The following RALGPS1 variants were observed in gnomAD, a reference collection of about 807,000 sequenced individuals.
RALGPS1 encodes Ral GEF with PH domain and SH3 binding motif 1.
A neutral mutation model predicts 78.8 loss-of-function variants in RALGPS1; 19 were observed. The ratio of observed to expected loss-of-function variants is 0.24; its 90% CI spans 0.17 to 0.35. RALGPS1 has a LOEUF of 0.35. RALGPS1 is among the 10% of genes least tolerant of loss of function. RALGPS1 has a pLI of 1.00. For synonymous variants in RALGPS1, 228 were observed against 256.3 expected, an observed-to-expected ratio of 0.89 and a Z score of 1.06; for missense variants, 454 against 688.3, an observed-to-expected ratio of 0.66 and a Z score of 3.81.
intron 5 of RALGPS1, among the ~76,000 whole-genome samples, chr9:127,041,328 G>A (rs2047304942): frequency 6.6e-6 from 1 of 152,106 alleles, no homozygotes; most frequent in Admixed American, 6.5e-5. Context: ...CTGACCTCGT[G>A]ATCTGCCTAC....
At chr9:127,085,696 A>T (rs979353250) in intron 8 of RALGPS1, among the ~76,000 whole-genome samples, 2 of 152,138 alleles carry the variant, frequency 1.3e-5, no homozygotes, top group Non-Finnish European at 2.9e-5. Context: ...AGTTTAGAAA[A>T]AGGATGGCTC....
At chr9:126,942,952 T>C (rs1305253170) in intron 1 of RALGPS1, among the ~76,000 whole-genome samples, 2 of 152,210 alleles carry the variant, frequency 1.3e-5, no homozygotes, top group African/African-American at 4.8e-5. Context: ...TAGTGGGCTC[T>C]TGGGCCATTA....
rs977885528 is a variant in RALGPS1, at chr9:127,135,653, T to C, written c.611-30416T>C. Among the ~76,000 whole-genome samples the C allele has an allele frequency of 3.9e-5, 6 of 152,298 alleles. 1 individual carries two copies. Among genetic ancestry groups the C allele is most frequent in the Middle Eastern group, 3.4e-3 (1 of 294 alleles). ...CCCCACCACTGATGGACAACCCCTG[T>C]GGGAGCAGATCTTGCTTGAGAGGGT... is the stretch of plus-strand genomic sequence containing the variant. On this transcript the variant is annotated intron_variant, in intron 8 of 18. Coordinates refer to ENST00000259351, the MANE Select transcript of RALGPS1 (RefSeq NM_014636.3).
chr9:127,053,699 C>T (rs766484777), intron 7 of RALGPS1, among the ~76,000 whole-genome samples: 7 of 152,180 alleles, frequency 4.6e-5, no homozygotes, highest in East Asian at 1.9e-4. Context: ...AACTCATTTC[C>T]GAACTGCTTT....
At chr9:126,944,022 G>A (rs1381461235) in intron 1 of RALGPS1, among the ~76,000 whole-genome samples, 3 of 152,258 alleles carry the variant, frequency 2.0e-5, no homozygotes, top group African/African-American at 7.2e-5. Flanking sequence ...AGGACCCTCT[G>A]GTCAAAGCTG....
intron 14 of RALGPS1, among the ~76,000 whole-genome samples, chr9:127,201,933 G>A (rs958362040): frequency 4.0e-4 from 61 of 152,242 alleles, no homozygotes; most frequent in African/African-American, 1.4e-3. Flanking sequence ...CAGAGGCCGT[G>A]GAGCCAGAGC....
chr9:126,962,843 T>TGCAGGAGG (rs1452725323), intron 2 of RALGPS1, among the ~76,000 whole-genome samples: 2 of 152,180 alleles, frequency 1.3e-5, no homozygotes, highest in Non-Finnish European at 2.9e-5. Flanking sequence ...CACAGAAGCA[T>TGCAGGAGG]GCAGGAGGAG....
At chr9:127,196,675 G>C (rs776609685) in intron 13 of RALGPS1, 44 bp downstream of exon 13, 7 of 1,529,052 alleles carry the variant, frequency 4.6e-6, no homozygotes, top group Non-Finnish European at 6.2e-6. Context: ...TGGGCTGTAG[G>C]CCCAGCGTGT....
At chr9:127,155,104 A>G (rs1050873825) in intron 8 of RALGPS1, among the ~76,000 whole-genome samples, 20 of 152,186 alleles carry the variant, frequency 1.3e-4, no homozygotes, top group African/African-American at 4.3e-4. Context: ...GCTGTCCCTT[A>G]ACAGAGTGGC....
chr9:127,125,287 T>A (rs190723023), intron 8 of RALGPS1, among the ~76,000 whole-genome samples: 3 of 152,166 alleles, frequency 2.0e-5, no homozygotes, highest in Admixed American at 2.0e-4. Context: ...GAGGCAGGGG[T>A]GTGTGCGGGC....
At chr9:126,987,920 G>T (rs552001638) in intron 4 of RALGPS1, among the ~76,000 whole-genome samples, 1 of 152,182 alleles carries the variant, frequency 6.6e-6, no homozygotes, top group African/African-American at 2.4e-5. Flanking sequence ...GGTGAGGATG[G>T]GCAGAAGGCA....
intron 8 of RALGPS1, among the ~76,000 whole-genome samples, chr9:127,162,140 G>T (rs188223906): frequency 6.6e-6 from 1 of 152,170 alleles, no homozygotes; most frequent in Non-Finnish European, 1.5e-5. Context: ...GCATTCCTTT[G>T]TCAGCCAGCG....
chr9:126,976,868 TG>T (rs1442707438), intron 3 of RALGPS1, among the ~76,000 whole-genome samples: 8 of 152,220 alleles, frequency 5.3e-5, no homozygotes, highest in African/African-American at 1.9e-4. Flanking sequence ...TGCCTTGGTC[TG>T]AAAAATGGTC....
Position 127,218,388 on chromosome 9 carries a change from G to T in RALGPS1, c.1645-352G>T, listed in dbSNP as rs536518041. On this transcript the variant is annotated intron_variant, in intron 18 of 18. Coordinates refer to ENST00000259351, the MANE Select transcript of RALGPS1 (RefSeq NM_014636.3). This position sits in a 1 kb window ranked among gnomAD's most constrained non-coding sequence, Gnocchi z 4.4. ...GCGCAGTTTGATTTTCACTGAAGGA[G>T]ATAGGTTAAGAGCATGGGCTCTGGG... 6.6e-6 allele frequency among the ~76,000 whole-genome samples: 1 copy of T among 152,332 alleles called. No homozygotes were observed. Among genetic ancestry groups the T allele is most frequent in the African/African-American group, 2.4e-5 (1 of 41,566 alleles).
intron 8 of RALGPS1, among the ~76,000 whole-genome samples, chr9:127,103,999 T>A (rs1268513714): frequency 6.6e-6 from 1 of 152,158 alleles, no homozygotes; most frequent in East Asian, 1.9e-4. Context: ...TGAACCTCAA[T>A]ATCCTGCAAG....
intron 8 of RALGPS1, among the ~76,000 whole-genome samples, chr9:127,148,224 C>G (rs2058212997): frequency 6.6e-6 from 1 of 152,264 alleles, no homozygotes; most frequent in South Asian, 2.1e-4. Flanking sequence ...GCTGCCACCC[C>G]TGCCCAGACT....
intron 8 of RALGPS1, among the ~76,000 whole-genome samples, chr9:127,096,412 G>T (rs1027615018): frequency 6.6e-6 from 1 of 152,172 alleles, no homozygotes; most frequent in Non-Finnish European, 1.5e-5. Context: ...GCAAAATAAC[G>T]CCCACTGAGA....
intron 5 of RALGPS1, among the ~76,000 whole-genome samples, chr9:127,048,588 A>G (rs10987551): frequency 0.55 from 83,705 of 152,082 alleles, 23,706 homozygotes; most frequent in African/African-American, 0.67. Flanking sequence ...CACAACATGG[A>G]CTGCAGTTCC....
At chr9:127,134,203 G>T (rs1382817825) in intron 8 of RALGPS1, among the ~76,000 whole-genome samples, 2 of 152,138 alleles carry the variant, frequency 1.3e-5, no homozygotes, top group Non-Finnish European at 2.9e-5. Flanking sequence ...AAGACCCACA[G>T]TCTCTTTTGG....
Sources: allele counts gnomAD v4.1 joint callset (sites outside exome capture counted in the v4.1 genomes callset), GRCh38; gene constraint gnomAD v4.1.1; non-coding constraint Gnocchi (gnomAD v3.1); transcripts MANE v1.5; gene names NCBI Gene and HGNC (gene_info 2026-07-23, HGNC 2026-07-21).